The following KIRREL3 variants were observed in gnomAD, a reference collection of about 807,000 sequenced individuals.
KIRREL3 encodes kirre like nephrin family adhesion molecule 3.
In KIRREL3, 36 loss-of-function variants were observed where a neutral mutation model predicts 89.7. The ratio of observed to expected loss-of-function variants is 0.40; its 90% CI spans 0.31 to 0.53. KIRREL3 has a LOEUF of 0.53. KIRREL3 is among the 20% of genes least tolerant of loss of function. The pLI, the probability that KIRREL3 is intolerant of heterozygous loss-of-function variation, is 0.49. For synonymous variants in KIRREL3, 445 were observed against 441.4 expected (o/e 1.01, Z -0.10); for missense variants, 864 against 1,056.6 (o/e 0.82, Z 2.53).
chr11:126,746,862 A>G (rs2134235055), intron 1 of KIRREL3, among the ~76,000 whole-genome samples: 1 of 152,274 alleles, frequency 6.6e-6, no homozygotes, highest in African/African-American at 2.4e-5. Flanking sequence ...CACATCCTGC[A>G]GTCCCTCCCC....
intron 1 of KIRREL3, among the ~76,000 whole-genome samples, chr11:126,966,699 C>G (rs1949281655): frequency 6.6e-6 from 1 of 152,128 alleles, no homozygotes; most frequent in Non-Finnish European, 1.5e-5. Context: ...TGGCCCTTCT[C>G]TTAACTAGCA....
intron 1 of KIRREL3, among the ~76,000 whole-genome samples, chr11:126,963,182 G>A (rs895669328): frequency 3.9e-5 from 6 of 152,094 alleles, no homozygotes; most frequent in Non-Finnish European, 8.8e-5. Flanking sequence ...ATGGCTGAGA[G>A]CACTGATAAA....
chr11:126,852,752 G>A (rs1336214044), intron 1 of KIRREL3, among the ~76,000 whole-genome samples: 1 of 152,158 alleles, frequency 6.6e-6, no homozygotes, highest in African/African-American at 2.4e-5. Flanking sequence ...TGAGGCATGG[G>A]GTCAAGGCAC....
chr11:126,963,961 C>T (rs928817038), intron 1 of KIRREL3, among the ~76,000 whole-genome samples: 8 of 152,198 alleles, frequency 5.3e-5, no homozygotes, highest in Non-Finnish European at 1.0e-4. Context: ...TGTATTTGAG[C>T]GAGGGGAGGT....
At position 126,608,410 on chromosome 11, in the gene KIRREL3, T is replaced by C. The variant is rs1447142887; in HGVS notation, c.56-45498A>G. On this transcript the variant is annotated intron_variant, in intron 1 of 16. Coordinates refer to ENST00000525144, the MANE Select transcript of KIRREL3 (RefSeq NM_032531.4). The surrounding 1 kb of genome is among the most constrained non-coding windows in gnomAD (Gnocchi z 4.9). ...CTGAATTAAGCTGCCTAAGATCACCTCATTAAATTCACTAACCTTGCTTTT... is the reference window on the plus strand; with the variant it reads ...CTGAATTAAGCTGCCTAAGATCACCCCATTAAATTCACTAACCTTGCTTTT... Among the ~76,000 whole-genome samples the C allele has an allele frequency of 6.6e-6, 1 of 152,148 alleles. No individual in the cohort carries two copies. Among genetic ancestry groups the C allele is most frequent in the Non-Finnish European group, 1.5e-5 (1 of 68,006 alleles).
At chr11:126,425,168 A>C in intron 16 of KIRREL3, 145 bp from the exon 17 acceptor site, 1 of 694,974 alleles carries the variant, frequency 1.4e-6, no homozygotes, top group Non-Finnish European at 2.4e-6. Flanking sequence ...GAGCAAACTC[A>C]GGGGTGAACA....
intron 1 of KIRREL3, among the ~76,000 whole-genome samples, chr11:126,678,569 C>A (rs1413021191): frequency 7.7e-6 from 1 of 129,864 alleles, no homozygotes; most frequent in Non-Finnish European, 1.5e-5. Context: ...CACTGCACAC[C>A]AGCCTGGGCG....
intron 1 of KIRREL3, among the ~76,000 whole-genome samples, chr11:126,810,418 C>T (rs1051065972): frequency 2.0e-5 from 3 of 152,266 alleles, no homozygotes; most frequent in Admixed American, 1.3e-4. Flanking sequence ...TGCTGGGAGG[C>T]CTTTCTTCTG....
rs1958561538 is a variant in KIRREL3 at position 126,520,814 on chromosome 11, T to C, written c.433+501A>G. On this transcript the variant is annotated intron_variant, in intron 4 of 16. Coordinates refer to ENST00000525144, the MANE Select transcript of KIRREL3 (RefSeq NM_032531.4). This position sits in a 1 kb window ranked among gnomAD's most constrained non-coding sequence, Gnocchi z 4.9. ...AGGATTCCCAGGGAGCAATGAGGGG[T>C]GGAGAAGTCACGGGGGTCACTGGTG... Among the ~76,000 whole-genome samples, 1 of 151,788 alleles carries C rather than the reference T, an allele frequency of 6.6e-6. No individual in the cohort carries two copies. The highest frequency in any genetic ancestry group is 1.5e-5 in the Non-Finnish European group (1 of 67,908).
chr11:126,820,215 G>A (rs1249808857), intron 1 of KIRREL3, among the ~76,000 whole-genome samples: 1 of 152,172 alleles, frequency 6.6e-6, no homozygotes, highest in East Asian at 1.9e-4. Flanking sequence ...GAATGCTGCA[G>A]AGGGAGGCAG....
intron 1 of KIRREL3, among the ~76,000 whole-genome samples, chr11:126,801,838 G>C (rs1480265936): frequency 2.0e-5 from 3 of 152,160 alleles, no homozygotes; most frequent in African/African-American, 7.2e-5. Flanking sequence ...TGGAGGATGA[G>C]GCAGGAGGAT....
intron 1 of KIRREL3, among the ~76,000 whole-genome samples, chr11:126,789,251 C>A (rs957839131): frequency 6.6e-6 from 1 of 152,120 alleles, no homozygotes; most frequent in Admixed American, 6.5e-5. Flanking sequence ...ATGACCAAAG[C>A]CAACCCTTGC....
chr11:126,899,768 G>C (rs560799815), intron 1 of KIRREL3, among the ~76,000 whole-genome samples: 1 of 152,222 alleles, frequency 6.6e-6, no homozygotes, highest in East Asian at 1.9e-4. Flanking sequence ...TGAAGCAGCT[G>C]CCCCTGAAGT....
rs58585835 is a variant in KIRREL3, at chr11:126,744,239, C to CTT, written c.56-181329_56-181328dup. Among the ~76,000 whole-genome samples, 2,051 of 147,646 alleles carry CTT rather than the reference C, an allele frequency of 0.014. 32 individuals are homozygous for CTT. The highest frequency in any genetic ancestry group is 0.017 in the South Asian group (79 of 4,614). On this transcript the variant is annotated intron_variant, in intron 1 of 16. Coordinates refer to ENST00000525144, the MANE Select transcript of KIRREL3 (RefSeq NM_032531.4). The surrounding 1 kb of genome is among the most constrained non-coding windows in gnomAD (Gnocchi z 4.7). ...TTGGTTTGTCTTCTGAAACACACAA[C>CTT]TTTTTTTTTTTTTATGGGTGGAAAG...
rs538765696 is a variant in KIRREL3 at position 126,797,495 on chromosome 11, T to C, written c.55+202960A>G. 6.6e-6 allele frequency among the ~76,000 whole-genome samples: 1 copy of C among 152,202 alleles called. No homozygotes were observed. Among genetic ancestry groups the C allele is most frequent in the Non-Finnish European group, 1.5e-5 (1 of 68,008 alleles). Reference sequence around the variant, plus strand: ...TCATCTGTTACCTGGGAAGCTAAACTGTCCACACCCTTCTCCCATGGTGAT... The same window carrying C: ...TCATCTGTTACCTGGGAAGCTAAACCGTCCACACCCTTCTCCCATGGTGAT... On this transcript the variant is annotated intron_variant, in intron 1 of 16. Transcript: ENST00000525144. The surrounding 1 kb of genome is among the most constrained non-coding windows in gnomAD (Gnocchi z 4.9).
rs1946511407 is a variant in KIRREL3, at chr11:126,904,842, C to A, written c.55+95613G>T. 1.3e-5 allele frequency among the ~76,000 whole-genome samples: 2 copies of A among 152,108 alleles called. No homozygotes were observed. The highest frequency in any genetic ancestry group is 6.5e-5 in the Admixed American group (1 of 15,278). ...CTATTCCTCAGAGACATTAAGATCC[C>A]AGAGAAGAGAAACTGTAAAAATGTT... On this transcript the variant is annotated intron_variant, in intron 1 of 16. Transcript: ENST00000525144. The surrounding 1 kb of genome is among the most constrained non-coding windows in gnomAD (Gnocchi z 4.4).
rs1431729124 is a variant in KIRREL3, at chr11:126,780,180, G to A, written c.56-217268C>T. Among the ~76,000 whole-genome samples, 3 of 152,298 alleles carry A rather than the reference G, an allele frequency of 2.0e-5. 1 individual carries two copies. Among genetic ancestry groups the A allele is most frequent in the Non-Finnish European group, 4.4e-5 (3 of 68,022 alleles). On this transcript the variant is annotated intron_variant, in intron 1 of 16. Coordinates refer to ENST00000525144, the MANE Select transcript of KIRREL3 (RefSeq NM_032531.4). This position sits in a 1 kb window ranked among gnomAD's most constrained non-coding sequence, Gnocchi z 5.3. ...GGGAGAAATTCAGGTTCAATGAAAGGAAAACAGGAAAAGACTGCAGAAGGA... is the reference window on the plus strand; with the variant it reads ...GGGAGAAATTCAGGTTCAATGAAAGAAAAACAGGAAAAGACTGCAGAAGGA...
intron 1 of KIRREL3, among the ~76,000 whole-genome samples, chr11:126,831,433 CTT>C (rs1943603696): frequency 1.3e-5 from 1 of 76,976 alleles, no homozygotes; most frequent in African/African-American, 6.0e-5. Context: ...ATCTCTCTCT[CTT>C]TCTCTCTCTC....
At chr11:126,963,998 C>T (rs1540251) in intron 1 of KIRREL3, among the ~76,000 whole-genome samples, 139,371 of 152,170 alleles carry the variant, frequency 0.92, 64,001 homozygotes, top group African/African-American at 0.98. Context: ...AGCCACTCAA[C>T]TTATCCATAT....
Sources: gnomAD v4.1 joint callset for allele counts (sites outside exome capture counted in the v4.1 genomes callset) on GRCh38, gnomAD v4.1.1 for gene constraint, Gnocchi (gnomAD v3.1) non-coding constraint, MANE v1.5 for transcripts, NCBI Gene and HGNC (gene_info 2026-07-23, HGNC 2026-07-21) for gene names.